Variants in NLGN1 observed in about 807,000 individuals in gnomAD.
NLGN1 encodes neuroligin-1.
In NLGN1, 12 loss-of-function variants were observed where a neutral mutation model predicts 65.5. That is an observed-to-expected ratio of 0.18 (90% CI 0.12 to 0.30). NLGN1 has a LOEUF of 0.30. NLGN1 is among the 10% of genes least tolerant of loss of function. The pLI is 1.00. For synonymous variants in NLGN1, 350 were observed against 359.5 expected, an observed-to-expected ratio of 0.97 and a Z score of 0.30; for missense variants, 750 against 1,007.1, an observed-to-expected ratio of 0.74 and a Z score of 3.46.
At chr3:173,944,904 CA>C (rs1034587063) in intron 4 of NLGN1, among the ~76,000 whole-genome samples, 8 of 152,010 alleles carry the variant, frequency 5.3e-5, no homozygotes, top group African/African-American at 1.9e-4. Flanking sequence ...GAGTTTTAAC[CA>C]AAAATTGTAT....
chr3:173,512,686 C>T (rs916420697), intron 2 of NLGN1, among the ~76,000 whole-genome samples: 14 of 152,142 alleles, frequency 9.2e-5, no homozygotes, highest in African/African-American at 2.9e-4. Flanking sequence ...CTTTGGGCTG[C>T]GAGTTTCAGG....
At chr3:173,497,151 A>C (rs1730159740) in intron 2 of NLGN1, among the ~76,000 whole-genome samples, 1 of 151,936 alleles carries the variant, frequency 6.6e-6, no homozygotes. Flanking sequence ...TGGGAGGCCA[A>C]GGCGGGCAGA....
At chr3:173,625,265 T>C (rs564459990) in intron 3 of NLGN1, among the ~76,000 whole-genome samples, 1 of 152,064 alleles carries the variant, frequency 6.6e-6, no homozygotes, top group Non-Finnish European at 1.5e-5. Context: ...TTTCATGATG[T>C]GTATTTTAGA....
chr3:173,880,555 A>G (rs1270635686), intron 4 of NLGN1, among the ~76,000 whole-genome samples: 1 of 151,190 alleles, frequency 6.6e-6, no homozygotes, highest in African/African-American at 2.4e-5. Context: ...CATTAGGTGT[A>G]CAATATAAGT....
intron 4 of NLGN1, among the ~76,000 whole-genome samples, chr3:173,950,487 G>A (rs1483548535): frequency 6.6e-6 from 1 of 152,176 alleles, no homozygotes; most frequent in Non-Finnish European, 1.5e-5. Flanking sequence ...GAGAGTTTAA[G>A]AAAATATACT....
At chr3:174,026,398 T>A (rs560575992) in intron 4 of NLGN1, among the ~76,000 whole-genome samples, 13 of 152,196 alleles carry the variant, frequency 8.5e-5, no homozygotes, top group Non-Finnish European at 1.6e-4. Context: ...AGTTTTGGGC[T>A]TACAGTCATG....
chr3:174,016,100 C>G (rs1423684086), intron 4 of NLGN1, among the ~76,000 whole-genome samples: 2 of 152,210 alleles, frequency 1.3e-5, no homozygotes, highest in Admixed American at 1.3e-4. Context: ...TAATGTGACT[C>G]ACAAAAATGG....
chr3:173,940,624 G>A (rs1376345553), intron 4 of NLGN1, among the ~76,000 whole-genome samples: 1 of 152,116 alleles, frequency 6.6e-6, no homozygotes, highest in Non-Finnish European at 1.5e-5. Context: ...CAAGAATGAA[G>A]GAGTCTGACC....
intron 4 of NLGN1, among the ~76,000 whole-genome samples, chr3:173,858,405 CAA>C (rs1440253518): frequency 6.6e-6 from 1 of 151,930 alleles, no homozygotes; most frequent in African/African-American, 2.4e-5. Flanking sequence ...CAGTTTTTTT[CAA>C]GGTCTGAAAA....
In NLGN1 at chr3:173,508,238, A is replaced by G. The variant is rs115627288; in HGVS notation, c.-321+73160A>G. Reference sequence around the variant, plus strand: ...CATAATGTTAGTGTTATGATTAGCAATTCTTTTGTTTTACAGCCAGGGTTA... The same window carrying G: ...CATAATGTTAGTGTTATGATTAGCAGTTCTTTTGTTTTACAGCCAGGGTTA... On this transcript the variant is annotated intron_variant, in intron 2 of 6. Coordinates refer to ENST00000457714, the Ensembl canonical transcript of NLGN1. 3.6e-3 allele frequency among the ~76,000 whole-genome samples: 545 copies of G among 152,228 alleles called. 2 individuals are homozygous for G. Among genetic ancestry groups the G allele is most frequent in the African/African-American group, 0.012 (508 of 41,550 alleles).
intron 3 of NLGN1, among the ~76,000 whole-genome samples, chr3:173,678,058 A>G (rs1254475370): frequency 6.6e-6 from 1 of 152,064 alleles, no homozygotes; most frequent in Non-Finnish European, 1.5e-5. Flanking sequence ...TTTGTCCCTT[A>G]TCTTGCTGTA....
At chr3:174,234,259 A>C (rs1267094724) in intron 4 of NLGN1, among the ~76,000 whole-genome samples, 2 of 152,134 alleles carry the variant, frequency 1.3e-5, no homozygotes, top group Admixed American at 6.5e-5. Context: ...CAAGCAGGTG[A>C]CTTGAGAGAT....
intron 4 of NLGN1, among the ~76,000 whole-genome samples, chr3:173,942,800 A>G (rs766558816): frequency 1.1e-4 from 16 of 152,212 alleles, no homozygotes; most frequent in Non-Finnish European, 2.2e-4. Context: ...CAACCAGGGA[A>G]GTGAAAGATA....
intron 4 of NLGN1, among the ~76,000 whole-genome samples, chr3:174,131,580 A>G (rs1365268582): frequency 6.6e-6 from 1 of 152,200 alleles, no homozygotes; most frequent in Non-Finnish European, 1.5e-5. Context: ...ATTATGTTAT[A>G]TGAAGATAAT....
At chr3:173,875,597 C>T (rs900184751) in intron 4 of NLGN1, among the ~76,000 whole-genome samples, 1 of 152,034 alleles carries the variant, frequency 6.6e-6, no homozygotes, top group Non-Finnish European at 1.5e-5. Flanking sequence ...ATTATTTATT[C>T]CAAATAATTT....
intron 2 of NLGN1, among the ~76,000 whole-genome samples, chr3:173,553,071 G>A: frequency 6.6e-6 from 1 of 152,030 alleles, no homozygotes; most frequent in East Asian, 1.9e-4. Context: ...AAATTTACGG[G>A]GCAGTGCGTT....
chr3:173,562,841 A>G (rs1461542759), intron 2 of NLGN1, among the ~76,000 whole-genome samples: 2 of 152,196 alleles, frequency 1.3e-5, no homozygotes, highest in African/African-American at 2.4e-5. Context: ...TCATGTCTGT[A>G]TTCCAGAAAG....
At chr3:173,445,595 C>A (rs1013753341) in intron 2 of NLGN1, among the ~76,000 whole-genome samples, 33 of 152,168 alleles carry the variant, frequency 2.2e-4, no homozygotes, top group African/African-American at 7.2e-4. Context: ...ACCGTCTGCA[C>A]TAATAGAGTA....
At chr3:173,764,609 A>G (rs1012734147) in intron 3 of NLGN1, among the ~76,000 whole-genome samples, 1 of 152,162 alleles carries the variant, frequency 6.6e-6, no homozygotes, top group African/African-American at 2.4e-5. Flanking sequence ...GGCTACCACA[A>G]AAGTTTTAAT....
Sources: allele counts gnomAD v4.1 joint callset (sites outside exome capture counted in the v4.1 genomes callset), GRCh38; gene constraint gnomAD v4.1.1; transcripts MANE v1.5; gene names NCBI Gene and HGNC (gene_info 2026-07-23, HGNC 2026-07-21).